The following SEPTIN8 variants were observed in gnomAD, a reference collection of about 807,000 sequenced individuals.
SEPTIN8 encodes the protein septin 8, also known as septin-8.
Under a neutral mutation model 53.1 loss-of-function variants are expected in SEPTIN8, and 22 were observed. That is an observed-to-expected ratio of 0.41 (90% CI 0.30 to 0.59). The LOEUF (loss-of-function observed/expected upper bound fraction) is 0.59. Ranked by LOEUF, SEPTIN8 falls within the 20% of genes least tolerant of loss-of-function variation. The pLI is 0.24. For missense variants in SEPTIN8, 536 were observed against 638.7 expected (o/e 0.84, Z 1.73); for synonymous variants, 228 against 248.4 (o/e 0.92, Z 0.77).
At chr5:132,763,342 G>C (rs556372580) in intron 4 of SEPTIN8, among the ~76,000 whole-genome samples, 1 of 152,280 alleles carries the variant, frequency 6.6e-6, no homozygotes, top group African/African-American at 2.4e-5. Context: ...CTAGAAATTA[G>C]GAATTGAGAG....
chr5:132,770,045 G>A (rs1757083167), intron 1 of SEPTIN8, among the ~76,000 whole-genome samples: 1 of 73,074 alleles, frequency 1.4e-5, no homozygotes, highest in Non-Finnish European at 3.0e-5. Context: ...ATATATATGT[G>A]TGTGTGTGTG....
rs1755778799 is a variant in SEPTIN8 at position 132,760,387 on chromosome 5, C to T, written c.1286+415G>A. ...CAGAGCCCTGCAGCTTCGCCCTCTCCACGCTGCTCCTCACCCGTGCAGCCC... is the reference window on the plus strand; with the variant it reads ...CAGAGCCCTGCAGCTTCGCCCTCTCTACGCTGCTCCTCACCCGTGCAGCCC... On this transcript the variant is annotated intron_variant, in intron 9 of 9. Coordinates refer to ENST00000378719, the MANE Select transcript of SEPTIN8 (RefSeq NM_001098811.2). This position sits in a 1 kb window ranked among gnomAD's most constrained non-coding sequence, Gnocchi z 5.2. Among the ~76,000 whole-genome samples the T allele has an allele frequency of 6.6e-6, 1 of 152,176 alleles. No homozygotes were observed. Among genetic ancestry groups the T allele is most frequent in the African/African-American group, 2.4e-5 (1 of 41,448 alleles).
intron 9 of SEPTIN8, chr5:132,757,000 C>G: frequency 1.0e-6 from 1 of 985,296 alleles, no homozygotes; most frequent in Non-Finnish European, 1.2e-6. Context: ...ATAAAATTAC[C>G]CTAGAGATGA....
At position 132,752,997 on chromosome 5, in the gene SEPTIN8, C is replaced by A. The variant is rs761410942; in HGVS notation, c.1287-816G>T. On this transcript the variant is annotated intron_variant, in intron 9 of 9. Coordinates refer to ENST00000378719, the MANE Select transcript of SEPTIN8 (RefSeq NM_001098811.2). ...CCCTCTGCCTCCACCCCGGGGCTTT[C>A]AGAGCATAGTGTGAAACCTCCTTGC... The A allele has an allele frequency of 5.2e-5, 81 of 1,561,490 alleles. 1 individual carries two copies. Among genetic ancestry groups the A allele is most frequent in the Non-Finnish European group, 6.8e-5 (77 of 1,132,710 alleles).
chr5:132,779,347 T>C (rs1202265251), upstream of SEPTIN8, among the ~76,000 whole-genome samples: 2 of 152,246 alleles, frequency 1.3e-5, no homozygotes, highest in Non-Finnish European at 2.9e-5. Flanking sequence ...AAGATTGGTC[T>C]CACCGTCAAA....
chr5:132,751,868 T>A lies in SEPTIN8; in HGVS notation c.*148A>T. 1.2e-5 allele frequency: 16 copies of A among 1,379,862 alleles called. No homozygotes were observed. The highest frequency in any genetic ancestry group is 1.6e-5 in the Non-Finnish European group (16 of 1,011,278). 85.5% of individuals were successfully genotyped at this position (1,379,862 alleles called of 1,614,324 possible). The stretch of plus-strand genomic sequence containing the variant: ...ATGAAAAGGGTTGGGCAACATTTGA[T>A]GTTCCCTGATGGAAATTTAAATTGT... On this transcript the variant is annotated 3_prime_UTR_variant, in exon 10 of 10. Coordinates refer to ENST00000378719, the MANE Select transcript of SEPTIN8 (RefSeq NM_001098811.2).
At chr5:132,778,033 C>T (rs1757942471), upstream of SEPTIN8, 1 of 985,508 alleles carries the variant, frequency 1.0e-6, no homozygotes, top group Non-Finnish European at 1.2e-6. Context: ...AGTGCGTGCA[C>T]GTTCTCTCCG....
chr5:132,761,878 C>G lies in SEPTIN8; in HGVS notation c.715G>C (p.Val239Leu), dbSNP rs368442418. 2.5e-6 allele frequency: 4 copies of G among 1,596,832 alleles called. No individual in the cohort carries two copies. The highest frequency in any genetic ancestry group is 3.4e-6 in the Non-Finnish European group (4 of 1,171,600). ...TTCACCTCCTCGGTGCTGCCCACCA[C>G]GGCAAAGGGCAGATGTGCCTGGAAA... Reference protein sequence around the residue: ...AVMNAHLPFAVVGSTEEVKVG... With the variant: ...AVMNAHLPFALVGSTEEVKVG... The change falls in exon 6 of 10, where the codon GTG becomes CTG. Residue 239 changes from valine (V) to leucine (L), a missense_variant. Coordinates refer to ENST00000378719, the MANE Select transcript of SEPTIN8 (RefSeq NM_001098811.2). This position sits in a 1 kb window ranked among gnomAD's most constrained non-coding sequence, Gnocchi z 5.8.
At chr5:132,757,852 A>T in intron 9 of SEPTIN8, 5 of 985,506 alleles carry the variant, frequency 5.1e-6, no homozygotes, top group Non-Finnish European at 6.0e-6. Context: ...TACATCAGAC[A>T]CCTTCATCTC....
At chr5:132,771,214 ATGG>A (rs1757288760) in intron 1 of SEPTIN8, among the ~76,000 whole-genome samples, 1 of 152,212 alleles carries the variant, frequency 6.6e-6, no homozygotes, top group Admixed American at 6.5e-5. Context: ...ACTGCATCTC[ATGG>A]TTGCCAACAC....
At chr5:132,769,550 T>C (rs968832478) in intron 1 of SEPTIN8, among the ~76,000 whole-genome samples, 4 of 152,156 alleles carry the variant, frequency 2.6e-5, no homozygotes, top group African/African-American at 9.7e-5. Flanking sequence ...AACTAACATG[T>C]ATTGCATGCT....
intron 9 of SEPTIN8, among the ~76,000 whole-genome samples, chr5:132,759,218 G>C (rs371386315): frequency 6.6e-6 from 1 of 152,156 alleles, no homozygotes; most frequent in East Asian, 1.9e-4. Flanking sequence ...CCACAGAGCC[G>C]TCATGGGAAG....
At chr5:132,763,642 G>A in intron 4 of SEPTIN8, 64 bp downstream of exon 4, 1 of 1,494,254 alleles carries the variant, frequency 6.7e-7, no homozygotes, top group Non-Finnish European at 9.3e-7. Flanking sequence ...GCATGAGGCA[G>A]CCACCACATC....
In SEPTIN8 at chr5:132,758,097, G is replaced by C. The variant is rs1456025876; in HGVS notation, c.1286+2705C>G. On this transcript the variant is annotated intron_variant, in intron 9 of 9. Coordinates refer to ENST00000378719, the MANE Select transcript of SEPTIN8 (RefSeq NM_001098811.2). ...CATTCACAGTAAAAACGCTGGACAT[G>C]GTCTTGTTCATGTTCCAATTCCATC... 3.0e-6 allele frequency: 3 copies of C among 1,005,546 alleles called. No individual in the cohort carries two copies. In the African/African-American group the frequency reaches 5.2e-5, roughly 17 times the overall value. 62.3% of individuals were successfully genotyped at this position (1,005,546 alleles called of 1,614,324 possible).
At chr5:132,753,050 T>C in intron 9 of SEPTIN8, 1 of 1,131,128 alleles carries the variant, frequency 8.8e-7, no homozygotes, top group East Asian at 2.4e-5. Context: ...CTTTGGCTTG[T>C]TATGAATCCT....
chr5:132,768,051 C>T (rs1756802950), intron 1 of SEPTIN8, among the ~76,000 whole-genome samples: 1 of 151,442 alleles, frequency 6.6e-6, no homozygotes, highest in East Asian at 2.0e-4. Context: ...CACTTTCTTA[C>T]AGTTCTAGGC....
At chr5:132,754,309 G>A (rs1433393899) in intron 9 of SEPTIN8, 1 of 684,720 alleles carries the variant, frequency 1.5e-6, no homozygotes, top group Non-Finnish European at 2.7e-6. Flanking sequence ...AGGCCATGCT[G>A]CTCACAGCTT....
chr5:132,756,599 T>C (rs1366585643), intron 9 of SEPTIN8: 1 of 985,290 alleles, frequency 1.0e-6, no homozygotes, highest in African/African-American at 1.7e-5. Context: ...CAAGGTTTAA[T>C]TTGGTCTCAG....
chr5:132,773,345 C>T lies in SEPTIN8; in HGVS notation c.30+3763G>A, dbSNP rs746176450. Among the ~76,000 whole-genome samples the T allele has an allele frequency of 6.6e-6, 1 of 152,236 alleles. No individual in the cohort carries two copies. Among genetic ancestry groups the T allele is most frequent in the African/African-American group, 2.4e-5 (1 of 41,470 alleles). On this transcript the variant is annotated intron_variant, in intron 1 of 9. Transcript: ENST00000378719. This position sits in a 1 kb window ranked among gnomAD's most constrained non-coding sequence, Gnocchi z 4.2. ...GGCTGGGGAGGCTGCAAGGGACACA[C>T]AGAGGCCAGCTGGCCCTCAGGCCCT...
Sources: gnomAD v4.1 joint callset for allele counts (sites outside exome capture counted in the v4.1 genomes callset) on GRCh38, gnomAD v4.1.1 for gene constraint, Gnocchi (gnomAD v3.1) non-coding constraint, MANE v1.5 for transcripts, NCBI Gene and HGNC (gene_info 2026-07-23, HGNC 2026-07-21) for gene names.